Variants in KLHL7 observed in about 807,000 individuals in gnomAD.
The protein encoded by KLHL7 is kelch-like protein 7.
KLHL7 carries 44 observed loss-of-function variants against 67.4 expected under a neutral mutation model. That is an observed-to-expected ratio of 0.65 (90% confidence interval 0.51 to 0.84). The LOEUF is 0.84. Among genes scored for constraint, KLHL7 ranks in the 40% least tolerant of loss-of-function variants. The pLI, the probability that KLHL7 is intolerant of heterozygous loss-of-function variation, is 0.00. For synonymous variants in KLHL7, 252 were observed against 243.3 expected (o/e 1.04, Z -0.33); for missense variants, 362 against 718.1 (o/e 0.50, Z 5.67).
chr7:23,159,029 T>C (rs58505201), intron 7 of KLHL7, among the ~76,000 whole-genome samples: 3,411 of 152,252 alleles, frequency 0.022, 120 homozygotes, highest in African/African-American at 0.078. Flanking sequence ...AGTATGATTA[T>C]TAAAATTTTT....
intron 6 of KLHL7, among the ~76,000 whole-genome samples, chr7:23,151,545 A>C (rs1784537401): frequency 6.6e-6 from 1 of 152,202 alleles, no homozygotes; most frequent in Non-Finnish European, 1.5e-5. Context: ...CCTGGGATTC[A>C]GCATTTCTAA....
chr7:23,125,893 C>T (rs752296214), intron 4 of KLHL7: 69 of 1,535,184 alleles, frequency 4.5e-5, no homozygotes, highest in Non-Finnish European at 5.9e-5. Flanking sequence ...GGATACGTTC[C>T]AAGACCCCCA....
rs566011806 is a variant in KLHL7, at chr7:23,132,688, C to T, written c.442+7516C>T. On this transcript the variant is annotated intron_variant, in intron 4 of 10. Transcript: ENST00000339077. Reference sequence around the variant, plus strand: ...TCCATCTTTGTTTTGGTTGCCTCTGCTTGTGGGGTATTGCTCAAGAAATCT... The same window carrying T: ...TCCATCTTTGTTTTGGTTGCCTCTGTTTGTGGGGTATTGCTCAAGAAATCT... Among the ~76,000 whole-genome samples, 35 of 152,262 alleles carry T rather than the reference C, an allele frequency of 2.3e-4. 1 individual carries two copies. The South Asian group carries it at 7.1e-3, about 31-fold the overall frequency.
chr7:23,136,780 T>C (rs73272095), intron 4 of KLHL7, among the ~76,000 whole-genome samples: 2,617 of 152,304 alleles, frequency 0.017, 94 homozygotes, highest in African/African-American at 0.059. Context: ...ATATTAAAGG[T>C]AAACTTATAG....
chr7:23,123,779 A>G lies in KLHL7; in HGVS notation c.123A>G (p.Lys41=), dbSNP rs149581781. ...MGVMNNMRKQ[K]TLCDVILMVQ... ...TTATGTATTTTTCCTTTGATTAGAA[A>G]ACGTTGTGTGACGTGATCCTCATGG... Residue 41 remains lysine, a splice_region_variant and synonymous_variant, in exon 2 of 11, where the codon AAA becomes AAG. Transcript: ENST00000339077. 71 of 1,610,524 alleles carry G rather than the reference A, an allele frequency of 4.4e-5. No homozygotes were observed. In the African/African-American group the frequency reaches 8.1e-4, roughly 18 times the overall value.
At chr7:23,159,734 T>C (rs1784807504) in intron 7 of KLHL7, among the ~76,000 whole-genome samples, 1 of 152,224 alleles carries the variant, frequency 6.6e-6, no homozygotes, top group African/African-American at 2.4e-5. Flanking sequence ...TTTTACCATG[T>C]TGCCCAGTCT....
intron 6 of KLHL7, 115 bp downstream of exon 6, chr7:23,144,140 C>G (rs1294464879): frequency 2.7e-5 from 25 of 918,274 alleles, no homozygotes; most frequent in Non-Finnish European, 4.1e-5. Flanking sequence ...CAAGATTTTG[C>G]TCTTCTAGAT....
intron 7 of KLHL7, among the ~76,000 whole-genome samples, chr7:23,161,206 GTAGT>G (rs1784845556): frequency 6.6e-6 from 1 of 152,190 alleles, no homozygotes; most frequent in Non-Finnish European, 1.5e-5. Context: ...ACAGTCATCA[GTAGT>G]TAGTGAACAT....
At position 23,167,973 on chromosome 7, in the gene KLHL7, T is replaced by C. The variant is rs1174559956; in HGVS notation, c.1315T>C (p.Leu439=). 6.2e-7 allele frequency: 1 copy of C among 1,614,088 alleles called. No homozygotes were observed. Among genetic ancestry groups the C allele is most frequent in the Non-Finnish European group, 8.5e-7 (1 of 1,180,022 alleles). ...CCTAATCTATGTTTGTGGTGGAAGT[T>C]TAGGAAACAATGTTTCTGGGAGAGT... ...NGLIYVCGGS[L]GNNVSGRVLN... is the part of the protein sequence containing the mutation. The change falls in exon 9 of 11, where the codon TTA becomes CTA. Residue 439 remains leucine (L), a synonymous_variant. Transcript: ENST00000339077.
intron 1 of KLHL7, 96 bp downstream of exon 1, chr7:23,106,242 G>T: frequency 1.3e-6 from 2 of 1,551,456 alleles, no homozygotes; most frequent in South Asian, 1.2e-5. Context: ...TGTGGATCGC[G>T]CCCCTCTTTC....
rs1352167147 is a variant in KLHL7, at chr7:23,175,398, T to C, written c.*1100T>C. The C allele has an allele frequency of 4.5e-6, 2 of 440,434 alleles. No homozygotes were observed. The highest frequency in any genetic ancestry group is 2.0e-5 in the African/African-American group (1 of 49,204). 27.3% of individuals were successfully genotyped at this position (440,434 alleles called of 1,614,324 possible). Reference sequence around the variant, plus strand: ...CACAATCAATGTTTTTATCTGATAATATTAAATATTTTTTAACTTAAAATA... The same window carrying C: ...CACAATCAATGTTTTTATCTGATAACATTAAATATTTTTTAACTTAAAATA... On this transcript the variant is annotated 3_prime_UTR_variant, in exon 11 of 11. Transcript: ENST00000339077.
intron 1 of KLHL7, among the ~76,000 whole-genome samples, chr7:23,111,264 A>G (rs1415649589): frequency 1.3e-5 from 2 of 152,196 alleles, no homozygotes; most frequent in Non-Finnish European, 2.9e-5. Flanking sequence ...AGTAGAGGGA[A>G]CAACATATTC....
At chr7:23,121,739 G>A (rs1441138495) in intron 1 of KLHL7, among the ~76,000 whole-genome samples, 1 of 147,470 alleles carries the variant, frequency 6.8e-6, no homozygotes, top group Non-Finnish European at 1.5e-5. Flanking sequence ...CTGGAGTGCA[G>A]TGGCTCGATC....
At chr7:23,168,660 G>A (rs1328177124) in intron 9 of KLHL7, among the ~76,000 whole-genome samples, 4 of 152,202 alleles carry the variant, frequency 2.6e-5, no homozygotes, top group Non-Finnish European at 4.4e-5. Context: ...GAATAATGGA[G>A]AGGGCATGAG....
At chr7:23,111,274 C>G (rs925193010) in intron 1 of KLHL7, among the ~76,000 whole-genome samples, 5 of 152,134 alleles carry the variant, frequency 3.3e-5, no homozygotes, top group Admixed American at 6.5e-5. Context: ...ACAACATATT[C>G]AGAGGCTCTG....
chr7:23,111,489 C>T (rs1035873620), intron 1 of KLHL7, among the ~76,000 whole-genome samples: 1 of 152,142 alleles, frequency 6.6e-6, no homozygotes, highest in Non-Finnish European at 1.5e-5. Flanking sequence ...TGTGCATGTG[C>T]ATGCATGTTT....
chr7:23,160,845 G>A (rs1784836910), intron 7 of KLHL7, among the ~76,000 whole-genome samples: 1 of 152,172 alleles, frequency 6.6e-6, no homozygotes, highest in South Asian at 2.1e-4. Flanking sequence ...TACTTGACAT[G>A]ATCAAGTGTT....
At chr7:23,135,937 A>C (rs1330042800) in intron 4 of KLHL7, among the ~76,000 whole-genome samples, 1 of 152,188 alleles carries the variant, frequency 6.6e-6, no homozygotes, top group African/African-American at 2.4e-5. Context: ...TCTCCCTTGT[A>C]ATCTGTGGCC....
intron 1 of KLHL7, among the ~76,000 whole-genome samples, chr7:23,113,844 A>G (rs1191615518): frequency 6.6e-6 from 1 of 152,206 alleles, no homozygotes; most frequent in Non-Finnish European, 1.5e-5. Context: ...CCCCCCGAAT[A>G]TTGAAGGGAG....
Sources: gnomAD v4.1 joint callset for allele counts (sites outside exome capture counted in the v4.1 genomes callset) on GRCh38, gnomAD v4.1.1 for gene constraint, MANE v1.5 for transcripts, NCBI Gene and HGNC (gene_info 2026-07-23, HGNC 2026-07-21) for gene names.